Variants in IDNK observed in about 807,000 individuals in gnomAD.
IDNK encodes IDNK gluconokinase.
In IDNK, 9 loss-of-function variants were observed where a neutral mutation model predicts 13.0. That is an observed-to-expected ratio of 0.69 (90% confidence interval 0.42 to 1.21). The LOEUF is 1.21. Ranked by LOEUF, IDNK falls within the 50% of genes most tolerant of loss-of-function variation. IDNK has a pLI of 0.00. For missense variants in IDNK, 210 were observed against 237.8 expected (o/e 0.88, Z 0.77); for synonymous variants, 92 against 94.9 (o/e 0.97, Z 0.18).
chr9:83,628,230 T>C lies in IDNK; in HGVS notation c.81+19T>C. 1 of 1,541,716 alleles carries C rather than the reference T, an allele frequency of 6.5e-7. No individual in the cohort carries two copies. The highest frequency in any genetic ancestry group is 8.8e-7 in the Non-Finnish European group (1 of 1,138,848). On this transcript the variant is annotated intron_variant, in intron 2 of 4. Coordinates refer to ENST00000376419, the MANE Select transcript of IDNK (RefSeq NM_001001551.4). The stretch of plus-strand genomic sequence containing the variant: ...ATCTGAGGTTAGTAACCTGTCCTAA[T>C]GCCTTCCGAGTGCTTGTCCCATTGT...
At chr9:83,642,139 C>T (rs1014526903) in intron 4 of IDNK, among the ~76,000 whole-genome samples, 5 of 148,048 alleles carry the variant, frequency 3.4e-5, no homozygotes, top group African/African-American at 5.0e-5. Flanking sequence ...CTGCAGCATG[C>T]CCCTGAGCGA....
intron 3 of IDNK, among the ~76,000 whole-genome samples, chr9:83,632,240 CATA>C (rs1357339118): frequency 6.6e-6 from 1 of 152,140 alleles, no homozygotes; most frequent in Non-Finnish European, 1.5e-5. Context: ...TCTCTCCACC[CATA>C]TTCTACCATT....
chr9:83,639,144 C>T (rs1335847887), intron 3 of IDNK, among the ~76,000 whole-genome samples: 1 of 152,220 alleles, frequency 6.6e-6, no homozygotes, highest in Admixed American at 6.5e-5. Context: ...GCACACACAT[C>T]ACCAAAATGG....
chr9:83,642,918 T>C (rs995051024), intron 4 of IDNK, among the ~76,000 whole-genome samples: 2 of 152,082 alleles, frequency 1.3e-5, no homozygotes, highest in South Asian at 2.1e-4. Context: ...CAGCTCTGCA[T>C]TGCACCTGGC....
chr9:83,641,190 A>G (rs574528166), intron 3 of IDNK, among the ~76,000 whole-genome samples: 13 of 152,234 alleles, frequency 8.5e-5, no homozygotes, highest in Admixed American at 7.2e-4. Flanking sequence ...GTTTATGTGA[A>G]TATCTCTCTA....
rs545529959 is a variant in IDNK at position 83,642,455 on chromosome 9, CTAATA to C, written c.212+872_212+876del. Among the ~76,000 whole-genome samples, 265 of 151,152 alleles carry C rather than the reference CTAATA, an allele frequency of 1.8e-3. 1 individual carries two copies. Among genetic ancestry groups the C allele is most frequent in the Non-Finnish European group, 2.7e-3 (185 of 67,918 alleles). On this transcript the variant is annotated intron_variant, in intron 4 of 4. Transcript: ENST00000376419. ...TGAAAATTTTTGCCTACCTGGGTTT[CTAATA>C]TAATATACTCATGAGAGTCTATTTT...
In IDNK at chr9:83,643,435, A is replaced by G. The variant is rs777554668; in HGVS notation, c.219A>G (p.Val73=). The change falls in exon 5 of 5, where the codon GTA becomes GTG. Residue 73 remains valine, a synonymous_variant. Coordinates refer to ENST00000376419, the MANE Select transcript of IDNK (RefSeq NM_001001551.4). ...CNLHDILLRD[V]ASGQRVVLAC... ...TTTTTCTTTTTCTAAACAGAGATGT[A>G]GCCTCGGGACAGCGTGTGGTTCTAG... 1 of 1,595,990 alleles carries G rather than the reference A, an allele frequency of 6.3e-7. No homozygotes were observed. The highest frequency in any genetic ancestry group is 8.6e-7 in the Non-Finnish European group (1 of 1,169,338).
chr9:83,634,939 T>C (rs1443723126), intron 3 of IDNK, among the ~76,000 whole-genome samples: 31 of 152,210 alleles, frequency 2.0e-4, no homozygotes, highest in Non-Finnish European at 5.9e-5. Flanking sequence ...AGTAGATATG[T>C]GATCATGTAA....
intron 3 of IDNK, among the ~76,000 whole-genome samples, chr9:83,637,158 A>G (rs1262824052): frequency 6.6e-6 from 1 of 152,190 alleles, no homozygotes; most frequent in Non-Finnish European, 1.5e-5. Flanking sequence ...TCATCATTTG[A>G]TCTGTACATT....
chr9:83,637,330 T>G (rs1432048264), intron 3 of IDNK, among the ~76,000 whole-genome samples: 1 of 152,254 alleles, frequency 6.6e-6, no homozygotes, highest in Non-Finnish European at 1.5e-5. Flanking sequence ...GTATTTGATA[T>G]GAAGAAAAAG....
intron 1 of IDNK, chr9:83,626,754 C>G: frequency 8.4e-7 from 1 of 1,194,710 alleles, no homozygotes; most frequent in Non-Finnish European, 1.1e-6. Flanking sequence ...ATGCACACTT[C>G]TGGCTTCACC....
intron 3 of IDNK, among the ~76,000 whole-genome samples, chr9:83,637,751 G>A (rs1432734677): frequency 6.6e-6 from 1 of 152,232 alleles, no homozygotes; most frequent in East Asian, 1.9e-4. Flanking sequence ...AGATAAGATT[G>A]TAAGCCTGTA....
At chr9:83,627,711 T>C (rs1830894100) in intron 1 of IDNK, among the ~76,000 whole-genome samples, 2 of 152,192 alleles carry the variant, frequency 1.3e-5, no homozygotes, top group African/African-American at 4.8e-5. Flanking sequence ...GTGTGTCTCT[T>C]TTAAACTCCA....
At chr9:83,642,248 GCTTT>G (rs897559632) in intron 4 of IDNK, among the ~76,000 whole-genome samples, 7 of 152,146 alleles carry the variant, frequency 4.6e-5, no homozygotes, top group African/African-American at 1.4e-4. Flanking sequence ...TACGGATCTT[GCTTT>G]CTAAGATGAA....
chr9:83,628,401 A>C (rs1269551165), intron 2 of IDNK, among the ~76,000 whole-genome samples, 190 bp downstream of exon 2: 1 of 152,178 alleles, frequency 6.6e-6, no homozygotes, highest in Middle Eastern at 3.2e-3. Flanking sequence ...TCATGCCTGT[A>C]ATCCCCACAC....
At chr9:83,631,271 G>A (rs1307152401) in intron 3 of IDNK, among the ~76,000 whole-genome samples, 1 of 151,796 alleles carries the variant, frequency 6.6e-6, no homozygotes, top group African/African-American at 2.4e-5. Flanking sequence ...GTGTTCGGAG[G>A]GCTCAGAGCT....
At chr9:83,638,011 G>C (rs966967354) in intron 3 of IDNK, among the ~76,000 whole-genome samples, 2 of 152,046 alleles carry the variant, frequency 1.3e-5, no homozygotes, top group African/African-American at 2.4e-5. Context: ...ATATGACAAA[G>C]AGGCACCAAG....
At chr9:83,628,081 CCTG>C in intron 1 of IDNK, 97 bp from the exon 2 acceptor site, 1 of 1,533,276 alleles carries the variant, frequency 6.5e-7, no homozygotes, top group Non-Finnish European at 8.8e-7. Flanking sequence ...TGTTTAAATT[CCTG>C]CTAAGGCAGC....
rs539565282 is a variant in IDNK, at chr9:83,628,193, C to T, written c.63C>T (p.Gly21=). Residue 21 remains glycine, a synonymous_variant, in exon 2 of 5, where the codon GGC becomes GGT. Transcript: ENST00000376419. The stretch of plus-strand genomic sequence containing the variant: ...GTCCTCTCCACAGATCCACCGTGGG[C>T]GCCCTGCTGGCATCTGAGGTTAGTA... The part of the protein sequence containing the change: ...GVSGSGKSTV[G]ALLASELGWK... 79 of 1,550,376 alleles carry T rather than the reference C, an allele frequency of 5.1e-5. No homozygotes were observed. The highest frequency in any genetic ancestry group is 9.8e-5 in the East Asian group (4 of 40,924).
Sources: gnomAD v4.1 joint callset for allele counts (sites outside exome capture counted in the v4.1 genomes callset) on GRCh38, gnomAD v4.1.1 for gene constraint, MANE v1.5 for transcripts, NCBI Gene and HGNC (gene_info 2026-07-23, HGNC 2026-07-21) for gene names.